Variants in EP400 observed in about 807,000 individuals in gnomAD.
EP400 encodes the protein E1A-binding protein p400.
A neutral mutation model predicts 354.1 loss-of-function variants in EP400; 105 were observed. The ratio of observed to expected loss-of-function variants is 0.30; its 90% CI spans 0.25 to 0.35. The LOEUF (loss-of-function observed/expected upper bound fraction) is 0.35, where lower values mean the gene tolerates loss of function less well. Ranked by LOEUF, EP400 falls within the 10% of genes least tolerant of loss-of-function variation. EP400 has a pLI of 1.00. For missense variants in EP400, 3,280 were observed against 4,121.0 expected, an observed-to-expected ratio of 0.80 and a Z score of 5.59; for synonymous variants, 1,646 against 1,716.9, an observed-to-expected ratio of 0.96 and a Z score of 1.02.
chr12:132,076,029 C>T (rs1159613339), intron 51 of EP400: 4 of 225,808 alleles, frequency 1.8e-5, no homozygotes, highest in Non-Finnish European at 3.6e-5. Context: ...TCAATCATGA[C>T]TAAGAAGAAT....
chr12:132,045,072 G>A lies in EP400; in HGVS notation c.6784+119G>A, dbSNP rs1311237992. The A allele has an allele frequency of 1.1e-5, 16 of 1,448,702 alleles. 1 individual carries two copies. In the East Asian group the frequency reaches 1.7e-4, roughly 15 times the overall value. 89.7% of individuals were successfully genotyped at this position (1,448,702 alleles called of 1,614,324 possible). On this transcript the variant is annotated intron_variant, in intron 37 of 52. Transcript: ENST00000389561. ...TCTGCCTGTCTGCTGCAGGGCTAGCGATCACACGCCCATCCGCTGCCTCTC... is the reference window on the plus strand; with the variant it reads ...TCTGCCTGTCTGCTGCAGGGCTAGCAATCACACGCCCATCCGCTGCCTCTC...
Position 132,053,422 on chromosome 12 carries a change from C to A in EP400, c.7553C>A (p.Pro2518Gln). The change falls in exon 43 of 53, where the codon CCG (proline) becomes CAG (glutamine). Residue 2518 changes from proline (P) to glutamine (Q), a missense_variant. Physicochemically the swap from Pro to Gln is moderately conservative, Grantham distance 76. Coordinates refer to ENST00000389561, the MANE Select transcript of EP400 (RefSeq NM_015409.5). ...PPPQPQPPPP[P>Q]QQPPPPLPQP... Reference sequence around the variant, plus strand: ...CCCCAGCCGCAGCCCCCACCACCCCCGCAGCAGCCACCGCCACCGCTGCCA... The same window carrying A: ...CCCCAGCCGCAGCCCCCACCACCCCAGCAGCAGCCACCGCCACCGCTGCCA... 1 of 1,528,466 alleles carries A rather than the reference C, an allele frequency of 6.5e-7. No individual in the cohort carries two copies. Among genetic ancestry groups the A allele is most frequent in the East Asian group, 2.4e-5 (1 of 41,162 alleles). 94.7% of individuals were successfully genotyped at this position (1,528,466 alleles called of 1,614,324 possible).
In EP400 at chr12:131,960,707, G is replaced by GACCC; in HGVS notation, c.88_89insACCC (p.Ala30AspfsTer36). 5.2e-6 allele frequency: 8 copies of GACCC among 1,545,582 alleles called. No individual in the cohort carries two copies. The highest frequency in any genetic ancestry group is 7.0e-6 in the Non-Finnish European group (8 of 1,146,240). On this transcript the variant is annotated frameshift_variant, in exon 2 of 53. Coordinates refer to ENST00000389561, the MANE Select transcript of EP400 (RefSeq NM_015409.5). LOFTEE classifies it high-confidence loss of function. ...TGGCAGCGAGGGTGAGGAGCAGCCG[G>GACCC]CCCACCCCAACCCACCCCCGTCCCC... is the stretch of plus-strand genomic sequence containing the variant.
intron 31 of EP400, 78 bp from the exon 32 acceptor site, chr12:132,037,875 A>G: frequency 6.2e-7 from 1 of 1,611,794 alleles, no homozygotes; most frequent in Non-Finnish European, 8.5e-7. Flanking sequence ...CACACTAGCA[A>G]GGGGCTTAGG....
In EP400 at chr12:132,045,834, C is replaced by G; in HGVS notation, c.7134C>G (p.Ile2378Met). 6.2e-7 allele frequency: 1 copy of G among 1,614,226 alleles called. No homozygotes were observed. The highest frequency in any genetic ancestry group is 8.5e-7 in the Non-Finnish European group (1 of 1,180,042). ...ACGTTGTTAACTCCTGTAGCCGAATCTACCGCTCTTCCAAACAGTGCCGGA... is the reference window on the plus strand; with the variant it reads ...ACGTTGTTAACTCCTGTAGCCGAATGTACCGCTCTTCCAAACAGTGCCGGA... ...VSDVVNSCSR[I>M]YRSSKQCRNR... Residue 2378 changes from isoleucine (I) to methionine (M), a missense_variant, in exon 39 of 53, where the codon ATC becomes ATG. Ile to Met is a conservative substitution (Grantham distance 10). Coordinates refer to ENST00000389561, the MANE Select transcript of EP400 (RefSeq NM_015409.5).
At position 131,986,700 on chromosome 12, in the gene EP400, A is replaced by C; in HGVS notation, c.2116A>C (p.Thr706Pro). 6.2e-7 allele frequency: 1 copy of C among 1,613,906 alleles called. No individual in the cohort carries two copies. The highest frequency in any genetic ancestry group is 8.5e-7 in the Non-Finnish European group (1 of 1,179,990). The change falls in exon 6 of 53, where the codon ACC (threonine) becomes CCC (proline). Residue 706 changes from threonine to proline, a missense_variant. Coordinates refer to ENST00000389561, the MANE Select transcript of EP400 (RefSeq NM_015409.5). ...GGCACTATCTCCAGTCACTTCCCGG[A>C]CCCCAGGGGTGGTGGCATCTGCCCC... is the stretch of plus-strand genomic sequence containing the variant. ...NKALSPVTSRTPGVVASAPTK... is the reference protein window; with the variant it reads ...NKALSPVTSRPPGVVASAPTK...
intron 51 of EP400, chr12:132,076,263 T>A (rs1217953722): frequency 7.1e-6 from 4 of 561,482 alleles, no homozygotes; most frequent in Non-Finnish European, 1.3e-5. Context: ...AAAAAATGTG[T>A]CTGAAATATG....
At chr12:132,044,747 T>C in intron 36 of EP400, 32 bp downstream of exon 36, 1 of 1,614,160 alleles carries the variant, frequency 6.2e-7, no homozygotes, top group Non-Finnish European at 8.5e-7. Flanking sequence ...TGTGTCTGTG[T>C]GGGCAGCTTC....
At position 132,018,307 on chromosome 12, in the gene EP400, T is replaced by G. The variant is rs372540768; in HGVS notation, c.4208T>G (p.Leu1403Arg). ...TCTAAGAAAAAGATACCGCGGAAAC[T>G]CATGGAGGAAATCTCCACTTCAGCA... ...LLSKKKIPRK[L>R]MEEISTSAAP... is the part of the protein sequence containing the mutation. The change falls in exon 21 of 53, where the codon CTC (leucine) becomes CGC (arginine). Residue 1403 changes from leucine (L) to arginine (R), a missense_variant. This residue lies in a region of EP400 where 342 missense variants were observed against 342.7 expected (regional missense o/e 1.00). Transcript: ENST00000389561. This position sits in a 1 kb window ranked among gnomAD's most constrained non-coding sequence, Gnocchi z 4.0. 20 of 1,613,114 alleles carry G rather than the reference T, an allele frequency of 1.2e-5. No homozygotes were observed. The African/African-American group carries it at 2.1e-4, about 17-fold the overall frequency.
At chr12:131,981,400 C>A (rs1405798912) in intron 3 of EP400, 89 bp from the exon 4 acceptor site, 1 of 1,074,914 alleles carries the variant, frequency 9.3e-7, no homozygotes, top group Non-Finnish European at 1.3e-6. Context: ...CTCCCTTTTC[C>A]AAGATGATAA....
chr12:132,038,875 C>G lies in EP400; in HGVS notation c.6207+779C>G, dbSNP rs985688855. Among the ~76,000 whole-genome samples, 13 of 152,228 alleles carry G rather than the reference C, an allele frequency of 8.5e-5. No homozygotes were observed. Among genetic ancestry groups the G allele is most frequent in the African/African-American group, 1.2e-4 (5 of 41,460 alleles). On this transcript the variant is annotated intron_variant, in intron 32 of 52. Transcript: ENST00000389561. The surrounding 1 kb of genome is among the most constrained non-coding windows in gnomAD (Gnocchi z 4.2). ...ATGTGGCCCTGCCACTCCTCCAGAA[C>G]TTGTTGTGGGGTCCCCGTTTCTGTG...
chr12:132,064,541 C>T, intron 47 of EP400, 127 bp from the exon 48 acceptor site: 3 of 1,296,530 alleles, frequency 2.3e-6, no homozygotes, highest in Non-Finnish European at 3.1e-6. Flanking sequence ...GGTCTGGATG[C>T]TGCACGGTAG....
chr12:131,991,507 C>T, intron 10 of EP400, 51 bp downstream of exon 10: 1 of 1,535,704 alleles, frequency 6.5e-7, no homozygotes, highest in Non-Finnish European at 9.0e-7. Context: ...GAAGCAGCTC[C>T]AGTAGAGTGG....
At chr12:132,004,558 C>T (rs1893519240) in intron 12 of EP400, among the ~76,000 whole-genome samples, 1 of 152,070 alleles carries the variant, frequency 6.6e-6, no homozygotes, top group Non-Finnish European at 1.5e-5. Context: ...TCACTTTTTA[C>T]ATTTTTATTT....
Position 132,017,824 on chromosome 12 carries a change from C to A in EP400, c.4110+103C>A. ...AATGGGTTCTCAACCAGCTCTTCTG[C>A]AATTGCAATTGCAGCTCCGCGATAC... On this transcript the variant is annotated intron_variant, in intron 20 of 52. Coordinates refer to ENST00000389561, the MANE Select transcript of EP400 (RefSeq NM_015409.5). This position sits in a 1 kb window ranked among gnomAD's most constrained non-coding sequence, Gnocchi z 5.0. 8.2e-7 allele frequency: 1 copy of A among 1,223,048 alleles called. No homozygotes were observed. The highest frequency in any genetic ancestry group is 1.1e-6 in the Non-Finnish European group (1 of 900,480). The allele number at this position is 1,223,048 out of a possible 1,614,324, so 75.8% of individuals were successfully genotyped here.
At position 132,006,184 on chromosome 12, in the gene EP400, A is replaced by G; in HGVS notation, c.3008A>G (p.Asp1003Gly). Residue 1003 changes from aspartate to glycine, a missense_variant, in exon 14 of 53, where the codon GAT (aspartate) becomes GGT (glycine). Asp to Gly is a moderately conservative substitution (Grantham distance 94, BLOSUM62 -1). Coordinates refer to ENST00000389561, the MANE Select transcript of EP400 (RefSeq NM_015409.5). Reference protein sequence around the residue: ...LVLIDSLFIMDQFKAAERMNI... With the variant: ...LVLIDSLFIMGQFKAAERMNI... ...CTCATCGACTCGCTTTTCATCATGG[A>G]TCAGTTCAAAGCTGCCGAGAGGATG... 6.2e-7 allele frequency: 1 copy of G among 1,614,172 alleles called. No individual in the cohort carries two copies. Among genetic ancestry groups the G allele is most frequent in the Non-Finnish European group, 8.5e-7 (1 of 1,180,026 alleles).
chr12:132,062,296 C>T lies in EP400; in HGVS notation c.8071C>T (p.Arg2691Trp), dbSNP rs564491424. The change falls in exon 46 of 53, where the codon CGG becomes TGG. Residue 2691 changes from arginine (R) to tryptophan (W), a missense_variant. By Grantham distance (101) the Arg-to-Trp change is moderately radical. Around this residue, in one of 20 missense-constraint regions of EP400, gnomAD observed 255 missense variants for 295.9 expected, o/e 0.86. Transcript: ENST00000389561. ...TNLTPVQTPA[R>W]SLVPQVSQAT... ...CCTGACCCCAGTGCAGACCCCGGCA[C>T]GGTCTTTGGTGCCCCAAGTGTCCCA... is the stretch of plus-strand genomic sequence containing the variant. The T allele has an allele frequency of 3.1e-6, 5 of 1,614,196 alleles. No individual in the cohort carries two copies. The highest frequency in any genetic ancestry group is 2.2e-5 in the East Asian group (1 of 44,884).
intron 1 of EP400, among the ~76,000 whole-genome samples, chr12:131,951,938 G>A (rs1891516869): frequency 6.6e-6 from 1 of 150,800 alleles, no homozygotes; most frequent in Non-Finnish European, 1.5e-5. Flanking sequence ...CACCACACCT[G>A]CCTACTTTTT....
Position 132,032,017 on chromosome 12 carries a change from G to A in EP400, c.5819G>A (p.Arg1940His), listed in dbSNP as rs773564187. 2.2e-5 allele frequency: 36 copies of A among 1,614,122 alleles called. No homozygotes were observed. Among genetic ancestry groups the A allele is most frequent in the African/African-American group, 2.7e-5 (2 of 75,020 alleles). Residue 1940 changes from arginine to histidine, a missense_variant, in exon 30 of 53, where the codon CGT (arginine) becomes CAT (histidine). Around this residue, in one of 20 missense-constraint regions of EP400, gnomAD observed 459 missense variants for 496.9 expected, o/e 0.92. Coordinates refer to ENST00000389561, the MANE Select transcript of EP400 (RefSeq NM_015409.5). ...IFCAILSTHS[R>H]TTGINLVEAD... ...TGTGCCATTCTCTCCACTCACAGCCGTACCACAGGTATAAACCTTGTAGAG... is the reference window on the plus strand; with the variant it reads ...TGTGCCATTCTCTCCACTCACAGCCATACCACAGGTATAAACCTTGTAGAG...
Sources: allele counts gnomAD v4.1 joint callset (sites outside exome capture counted in the v4.1 genomes callset), GRCh38; gene constraint gnomAD v4.1.1; regional missense constraint gnomAD v4.1.1; non-coding constraint Gnocchi (gnomAD v3.1); transcripts MANE v1.5; gene names NCBI Gene and HGNC (gene_info 2026-07-23, HGNC 2026-07-21).